WDR72: variants seen among roughly 807,000 people sequenced by gnomAD.
WDR72 encodes the protein WD repeat domain 72.
A neutral mutation model predicts 124.2 loss-of-function variants in WDR72; 120 were observed. The ratio of observed to expected loss-of-function variants is 0.97; its 90% CI spans 0.83 to 1.12. The LOEUF (loss-of-function observed/expected upper bound fraction) is 1.12. Among genes scored for constraint, WDR72 ranks in the 50% most tolerant of loss-of-function variants. WDR72 has a pLI of 0.00. For missense variants in WDR72, 1,387 were observed against 1,278.8 expected (o/e 1.08, Z -1.29); for synonymous variants, 452 against 441.7 (o/e 1.02, Z -0.29).
chr15:53,593,557 T>C (rs1239823892), intron 18 of WDR72, among the ~76,000 whole-genome samples: 1 of 151,690 alleles, frequency 6.6e-6, no homozygotes, highest in African/African-American at 2.4e-5. Flanking sequence ...AGCTCAGGAG[T>C]TTGAGACCAG....
intron 14 of WDR72, among the ~76,000 whole-genome samples, chr15:53,639,488 TTTTA>T (rs1191649907): frequency 4.8e-5 from 7 of 145,660 alleles, no homozygotes; most frequent in South Asian, 4.2e-4. Context: ...TTTTATATAA[TTTTA>T]TTTATTTATA....
chr15:53,535,250 C>G (rs1191580117), intron 18 of WDR72, among the ~76,000 whole-genome samples: 1 of 152,154 alleles, frequency 6.6e-6, no homozygotes, highest in Non-Finnish European at 1.5e-5. Flanking sequence ...ATTTTTGTCT[C>G]TAAATCCTTT....
At chr15:53,739,640 G>C (rs553068073) in intron 1 of WDR72, among the ~76,000 whole-genome samples, 2 of 152,130 alleles carry the variant, frequency 1.3e-5, no homozygotes, top group African/African-American at 4.8e-5. Context: ...ACACATGGGC[G>C]TGTTTTAACA....
intron 1 of WDR72, among the ~76,000 whole-genome samples, chr15:53,743,974 A>C (rs28588260): frequency 0.15 from 5,219 of 33,900 alleles, 104 homozygotes; most frequent in East Asian, 0.37. Context: ...GACTCGTCTC[A>C]AAAAAAAAAA....
intron 18 of WDR72, among the ~76,000 whole-genome samples, chr15:53,566,224 G>C (rs2140299470): frequency 6.6e-6 from 1 of 152,012 alleles, no homozygotes; most frequent in Non-Finnish European, 1.5e-5. Context: ...ACTTGTCCAA[G>C]TACATGCTGG....
chr15:53,717,004 T>A (rs2017731728), intron 3 of WDR72, among the ~76,000 whole-genome samples: 8 of 152,182 alleles, frequency 5.3e-5, no homozygotes, highest in Admixed American at 5.2e-4. Context: ...TGTATCCTCT[T>A]GAAAATGCTT....
At chr15:53,621,578 A>G (rs56238540) in intron 14 of WDR72, among the ~76,000 whole-genome samples, 19,704 of 151,506 alleles carry the variant, frequency 0.13, 2,868 homozygotes, top group African/African-American at 0.36. Context: ...CTTATAAATG[A>G]GAGCTAAGCT....
chr15:53,736,523 G>A (rs549183345), intron 1 of WDR72, among the ~76,000 whole-genome samples: 1 of 152,210 alleles, frequency 6.6e-6, no homozygotes, highest in African/African-American at 2.4e-5. Flanking sequence ...CCTGCTGTGA[G>A]GGGCCAGAGC....
chr15:53,716,089 G>A (rs1236929694), intron 4 of WDR72, among the ~76,000 whole-genome samples: 5 of 152,014 alleles, frequency 3.3e-5, no homozygotes, highest in South Asian at 2.1e-4. Flanking sequence ...TTTAAAACAC[G>A]GTCAGCACCA....
intron 7 of WDR72, among the ~76,000 whole-genome samples, chr15:53,712,419 A>C (rs2017565865): frequency 1.3e-5 from 2 of 152,146 alleles, no homozygotes; most frequent in Non-Finnish European, 2.9e-5. Flanking sequence ...AACATGGTGA[A>C]ACCCGGTCTC....
intron 14 of WDR72, among the ~76,000 whole-genome samples, chr15:53,622,543 A>G (rs2014038110): frequency 6.6e-6 from 1 of 152,102 alleles, no homozygotes; most frequent in African/African-American, 2.4e-5. Flanking sequence ...CAAACACCCC[A>G]TGTCCTAATT....
intron 18 of WDR72, among the ~76,000 whole-genome samples, chr15:53,563,915 G>A (rs1314749985): frequency 1.3e-5 from 2 of 151,790 alleles, no homozygotes; most frequent in Non-Finnish European, 2.9e-5. Context: ...AGTAAAAGCC[G>A]CTATGCTGTT....
intron 13 of WDR72, among the ~76,000 whole-genome samples, chr15:53,668,968 G>GAGGAGAAGGAGA (rs2015884104): frequency 1.0e-5 from 1 of 99,858 alleles, no homozygotes; most frequent in African/African-American, 3.4e-5. Context: ...GGAGAAGGAG[G>GAGGAGAAGGAGA]AGGAGGAGGA....
At chr15:53,686,105 C>G (rs2016612705) in intron 13 of WDR72, among the ~76,000 whole-genome samples, 1 of 148,938 alleles carries the variant, frequency 6.7e-6, no homozygotes, top group Non-Finnish European at 1.5e-5. Context: ...ACTGCAAAAT[C>G]ATGCCAAAAT....
chr15:53,651,663 T>C (rs2015245201), intron 14 of WDR72, among the ~76,000 whole-genome samples: 1 of 152,164 alleles, frequency 6.6e-6, no homozygotes, highest in African/African-American at 2.4e-5. Context: ...TGTTTGTTTG[T>C]TTGTTTTGAG....
At position 53,723,018 on chromosome 15, in the gene WDR72, T is replaced by C; in HGVS notation, c.154-110A>G. On this transcript the variant is annotated intron_variant, in intron 2 of 19. Transcript: ENST00000360509. The stretch of plus-strand genomic sequence containing the variant: ...TTAGGAAATTCTGTTGTTTTTGTTG[T>C]ATACAAGTTTTAAGAAAACTGATAT... 3.8e-6 allele frequency: 4 copies of C among 1,057,670 alleles called. No homozygotes were observed. In the Admixed American group the frequency reaches 5.6e-5, roughly 15 times the overall value. The allele number at this position is 1,057,670 out of a possible 1,614,324, so 65.5% of individuals were successfully genotyped here. A position where few individuals can be genotyped will look rare whatever the true frequency, so the allele number is the denominator to read the frequency against.
intron 16 of WDR72, among the ~76,000 whole-genome samples, chr15:53,611,809 A>G (rs559431100): frequency 3.7e-4 from 56 of 151,978 alleles, no homozygotes; most frequent in Non-Finnish European, 7.2e-4. Context: ...ATTAAATGAG[A>G]TAATATATGT....
intron 18 of WDR72, among the ~76,000 whole-genome samples, chr15:53,571,505 A>G (rs1000923959): frequency 6.6e-6 from 1 of 152,116 alleles, no homozygotes; most frequent in Non-Finnish European, 1.5e-5. Flanking sequence ...TTCACTCAAC[A>G]TAATGTCTTC....
intron 13 of WDR72, among the ~76,000 whole-genome samples, chr15:53,690,935 T>G (rs2016817984): frequency 6.6e-6 from 1 of 152,184 alleles, no homozygotes; most frequent in African/African-American, 2.4e-5. Flanking sequence ...GTACAAGGGT[T>G]CCTATTTTCT....
Sources: allele counts gnomAD v4.1 joint callset (sites outside exome capture counted in the v4.1 genomes callset), GRCh38; gene constraint gnomAD v4.1.1; transcripts MANE v1.5; gene names NCBI Gene and HGNC (gene_info 2026-07-23, HGNC 2026-07-21).